Variants in RIPPLY3 observed in about 807,000 individuals in gnomAD.
RIPPLY3 encodes the protein ripply transcriptional repressor 3.
A neutral mutation model predicts 11.9 loss-of-function variants in RIPPLY3; 8 were observed. The observed-to-expected ratio is 0.67, with a 90% confidence interval of 0.40 to 1.21. The LOEUF (loss-of-function observed/expected upper bound fraction) is 1.21. Ranked by LOEUF, RIPPLY3 falls within the 50% of genes most tolerant of loss-of-function variation. RIPPLY3 has a pLI of 0.01. For missense variants in RIPPLY3, 271 were observed against 246.0 expected, an observed-to-expected ratio of 1.10 and a Z score of -0.68; for synonymous variants, 102 against 99.0, an observed-to-expected ratio of 1.03 and a Z score of -0.18.
At chr21:37,008,473 G>T (rs902694714) in intron 2 of RIPPLY3, among the ~76,000 whole-genome samples, 4 of 152,032 alleles carry the variant, frequency 2.6e-5, no homozygotes, top group Non-Finnish European at 5.9e-5. Context: ...AAGCATAATC[G>T]TAGGCTGGGC....
intron 2 of RIPPLY3, among the ~76,000 whole-genome samples, chr21:37,008,451 T>A (rs1475315816): frequency 6.6e-6 from 1 of 152,014 alleles, no homozygotes; most frequent in Non-Finnish European, 1.5e-5. Flanking sequence ...TAAAAAAGCA[T>A]ACCCACTATA....
chr21:37,012,646 G>A (rs11910597), intron 2 of RIPPLY3, among the ~76,000 whole-genome samples: 1 of 151,748 alleles, frequency 6.6e-6, no homozygotes, highest in African/African-American at 2.4e-5. Flanking sequence ...AGCTCCCTGC[G>A]GCCGCTGCTC....
intron 2 of RIPPLY3, among the ~76,000 whole-genome samples, chr21:37,011,812 G>A (rs2069524885): frequency 6.6e-6 from 1 of 151,798 alleles, no homozygotes; most frequent in East Asian, 1.9e-4. Context: ...AATTAGCCGG[G>A]CGTGGTGGCA....
At chr21:37,012,035 C>A (rs561534200) in intron 2 of RIPPLY3, among the ~76,000 whole-genome samples, 1 of 151,284 alleles carries the variant, frequency 6.6e-6, no homozygotes, top group African/African-American at 2.4e-5. Flanking sequence ...ACATTCCCTC[C>A]GCCACCCGCC....
chr21:37,017,416 G>A (rs1289930182), intron 3 of RIPPLY3, among the ~76,000 whole-genome samples: 2 of 152,068 alleles, frequency 1.3e-5, no homozygotes, highest in African/African-American at 2.4e-5. Context: ...AGATGTCAGA[G>A]TAAATTTCCT....
At chr21:37,010,781 G>A (rs1429338117) in intron 2 of RIPPLY3, among the ~76,000 whole-genome samples, 1 of 152,118 alleles carries the variant, frequency 6.6e-6, no homozygotes, top group Non-Finnish European at 1.5e-5. Flanking sequence ...TCAGAGACTC[G>A]AACGGGGAGG....
At chr21:37,014,380 C>A (rs1189515914) in intron 3 of RIPPLY3, among the ~76,000 whole-genome samples, 1 of 152,078 alleles carries the variant, frequency 6.6e-6, no homozygotes, top group Non-Finnish European at 1.5e-5. Context: ...TGCCGTGCAC[C>A]TTTGAGAGAG....
Position 37,017,145 on chromosome 21 carries a change from T to C in RIPPLY3, c.240-729T>C, listed in dbSNP as rs1289206735. ...TCCAGCCTGGGTGAGAGAGTAAGAC[T>C]CCCTTTCAAAAAAAAAAAAAAAAAA... On this transcript the variant is annotated intron_variant, in intron 3 of 3. Transcript: ENST00000329553. 3.5e-3 allele frequency among the ~76,000 whole-genome samples: 339 copies of C among 95,636 alleles called. 1 individual carries two copies. Among genetic ancestry groups the C allele is most frequent in the African/African-American group, 0.012 (309 of 26,702 alleles). 62.7% of individuals were successfully genotyped at this position (95,636 alleles called of 152,430 possible).
In RIPPLY3 at chr21:37,013,635, C is replaced by A. The variant is rs899523849; in HGVS notation, c.239+17C>A. ...TCCTGTAAGGTAATATACGACTTCA[C>A]AATAAGTAATCTGTAATTTCCTTTT... On this transcript the variant is annotated intron_variant, in intron 3 of 3. Coordinates refer to ENST00000329553, the MANE Select transcript of RIPPLY3 (RefSeq NM_018962.3). 1.4e-5 allele frequency: 23 copies of A among 1,594,530 alleles called. No homozygotes were observed. The highest frequency in any genetic ancestry group is 1.7e-5 in the Non-Finnish European group (20 of 1,163,202).
At chr21:37,011,112 G>C (rs1044172888) in intron 2 of RIPPLY3, among the ~76,000 whole-genome samples, 10 of 151,720 alleles carry the variant, frequency 6.6e-5, no homozygotes, top group African/African-American at 2.2e-4. Flanking sequence ...CAAGCGATTC[G>C]CCTGCCTCAG....
intron 1 of RIPPLY3, among the ~76,000 whole-genome samples, chr21:37,007,844 C>T (rs1003816106): frequency 6.6e-6 from 1 of 152,188 alleles, no homozygotes; most frequent in African/African-American, 2.4e-5. Flanking sequence ...TGGGGAACCC[C>T]GAATTGAACA....
Position 37,018,183 on chromosome 21 carries a change from T to A in RIPPLY3, c.549T>A (p.Gly183=). The stretch of plus-strand genomic sequence containing the variant: ...TCCCTCAAGGTGTCTCCTCAAGGGG[T>A]GGCAAGTGCTCCTCATCCAAATGAA... ...GPLPQGVSSR[G]GKCSSSK The change falls in exon 4 of 4, where the codon GGT becomes GGA. Residue 183 remains glycine, a synonymous_variant. Coordinates refer to ENST00000329553, the MANE Select transcript of RIPPLY3 (RefSeq NM_018962.3). 6.2e-7 allele frequency: 1 copy of A among 1,613,456 alleles called. No homozygotes were observed. The highest frequency in any genetic ancestry group is 8.5e-7 in the Non-Finnish European group (1 of 1,179,614).
upstream of RIPPLY3, chr21:37,006,463 C>G (rs1477109686): frequency 7.6e-6 from 2 of 262,212 alleles, no homozygotes; most frequent in African/African-American, 4.5e-5. The surrounding 1 kb of genome is among the most constrained non-coding windows in gnomAD (Gnocchi z 5.2). Context: ...GCCGGACCCC[C>G]CTCCTTGACA....
chr21:37,016,028 A>G (rs1364134432), intron 3 of RIPPLY3, among the ~76,000 whole-genome samples: 1 of 152,084 alleles, frequency 6.6e-6, no homozygotes, highest in Non-Finnish European at 1.5e-5. Flanking sequence ...CATATTCTAA[A>G]GCCAATCTCA....
rs2069467371 is a variant in RIPPLY3, at chr21:37,006,725, C to G, written c.-48C>G. ...GCGTTAGCCCGAGTGGATCTAGGCG[C>G]GCTCGTAGGCCGGCGCCGCAGCAAG... On this transcript the variant is annotated 5_prime_UTR_variant, in exon 1 of 4. Transcript: ENST00000329553. This position sits in a 1 kb window ranked among gnomAD's most constrained non-coding sequence, Gnocchi z 5.2. 29 of 1,161,522 alleles carry G rather than the reference C, an allele frequency of 2.5e-5. No homozygotes were observed. Among genetic ancestry groups the G allele is most frequent in the Non-Finnish European group, 3.0e-5 (28 of 925,970 alleles). The allele number at this position is 1,161,522 out of a possible 1,614,324, so 72.0% of individuals were successfully genotyped here. A position where few individuals can be genotyped will look rare whatever the true frequency, so the allele number is the denominator to read the frequency against.
At chr21:37,008,763 A>C (rs1230445769) in intron 2 of RIPPLY3, among the ~76,000 whole-genome samples, 2 of 151,542 alleles carry the variant, frequency 1.3e-5, no homozygotes, top group East Asian at 1.9e-4. Context: ...TCTCAAAAAA[A>C]AAAAAAAAAA....
rs59382996 is a variant in RIPPLY3, at chr21:37,011,929, C to CAAAAAA, written c.172-1598_172-1593dup. 1.1e-3 allele frequency among the ~76,000 whole-genome samples: 51 copies of CAAAAAA among 47,102 alleles called. 1 individual carries two copies. The highest frequency in any genetic ancestry group is 3.9e-3 in the African/African-American group (51 of 13,202). 30.9% of individuals were successfully genotyped at this position (47,102 alleles called of 152,430 possible). Reference sequence around the variant, plus strand: ...GGGTGAGCAGAGTAAGACTCCGTCTCAAAAAAAAAAAAAAAAAAAAAAAAA... The same window carrying CAAAAAA: ...GGGTGAGCAGAGTAAGACTCCGTCTCAAAAAAAAAAAAAAAAAAAAAAAAAAAAAAA... On this transcript the variant is annotated intron_variant, in intron 2 of 3. Coordinates refer to ENST00000329553, the MANE Select transcript of RIPPLY3 (RefSeq NM_018962.3).
chr21:37,008,150 G>T lies in RIPPLY3; in HGVS notation c.105-7G>T. 1 of 1,614,074 alleles carries T rather than the reference G, an allele frequency of 6.2e-7. No individual in the cohort carries two copies. Among genetic ancestry groups the T allele is most frequent in the Non-Finnish European group, 8.5e-7 (1 of 1,179,960 alleles). On this transcript the variant is annotated splice_polypyrimidine_tract_variant and splice_region_variant and intron_variant, in intron 1 of 3. Coordinates refer to ENST00000329553, the MANE Select transcript of RIPPLY3 (RefSeq NM_018962.3). ...GGTTCACTCTCTCCTGGCGCTTGCCGTTCCAGCCCCGCGCCGTGGCGACCT... is the reference window on the plus strand; with the variant it reads ...GGTTCACTCTCTCCTGGCGCTTGCCTTTCCAGCCCCGCGCCGTGGCGACCT...
intron 2 of RIPPLY3, among the ~76,000 whole-genome samples, chr21:37,012,318 A>G (rs2069532987): frequency 6.6e-6 from 1 of 150,376 alleles, no homozygotes; most frequent in African/African-American, 2.5e-5. Context: ...GCTCACTGCA[A>G]CCTCCGCTTC....
Sources: allele counts gnomAD v4.1 joint callset (sites outside exome capture counted in the v4.1 genomes callset), GRCh38; gene constraint gnomAD v4.1.1; non-coding constraint Gnocchi (gnomAD v3.1); transcripts MANE v1.5; gene names NCBI Gene and HGNC (gene_info 2026-07-23, HGNC 2026-07-21).